Variants in ABTB3 observed in about 807,000 individuals in gnomAD.
ABTB3 encodes ankyrin repeat- and BTB/POZ domain-containing protein 3.
At chr12:107,576,203 T>C in the ABTB3 span, among the ~76,000 whole-genome samples, 1 of 152,220 alleles carries the variant, frequency 6.6e-6, no homozygotes, top group Admixed American at 6.5e-5. Context: ...GATTTCTTGG[T>C]TTGGGGTACT....
chr12:107,573,652 A>T, the ABTB3 span, among the ~76,000 whole-genome samples: 6 of 152,336 alleles, frequency 3.9e-5, no homozygotes, highest in African/African-American at 1.4e-4. Context: ...ATTGGCTTAC[A>T]AGATTGTGGA....
At chr12:107,489,211 G>T in the ABTB3 span, among the ~76,000 whole-genome samples, 1 of 152,114 alleles carries the variant, frequency 6.6e-6, no homozygotes, top group East Asian at 1.9e-4. Flanking sequence ...AGCAATATAT[G>T]TCAAAGGCCA....
At chr12:107,411,009 A>G in the ABTB3 span, among the ~76,000 whole-genome samples, 1 of 152,268 alleles carries the variant, frequency 6.6e-6, no homozygotes, top group Admixed American at 6.5e-5. Flanking sequence ...TAATGTTTAC[A>G]TTAATTGAGG....
chr12:107,570,805 C>T, the ABTB3 span, among the ~76,000 whole-genome samples: 1 of 152,194 alleles, frequency 6.6e-6, no homozygotes, highest in Non-Finnish European at 1.5e-5. Flanking sequence ...TCCTACCAGT[C>T]CCTCTCCTTC....
chr12:107,329,284 C>G, the ABTB3 span, among the ~76,000 whole-genome samples: 1 of 152,146 alleles, frequency 6.6e-6, no homozygotes, highest in Non-Finnish European at 1.5e-5. Context: ...AATTCTGGCT[C>G]TATTGCCTAC....
chr12:107,587,719 G>A, the ABTB3 span, among the ~76,000 whole-genome samples: 1 of 152,120 alleles, frequency 6.6e-6, no homozygotes, highest in African/African-American at 2.4e-5. Flanking sequence ...TACATAGCAG[G>A]GTATACAGTG....
chr12:107,506,484 A>C, the ABTB3 span, among the ~76,000 whole-genome samples: 16,445 of 152,262 alleles, frequency 0.11, 945 homozygotes, highest in African/African-American at 0.14. Flanking sequence ...TTTCTATAGA[A>C]AACTAGGCAA....
the ABTB3 span, among the ~76,000 whole-genome samples, chr12:107,515,309 G>A: frequency 6.6e-6 from 1 of 152,204 alleles, no homozygotes; most frequent in African/African-American, 2.4e-5. Context: ...AAGCAATCCC[G>A]TTGAGAATAT....
At chr12:107,547,811 T>C in the ABTB3 span, among the ~76,000 whole-genome samples, 1 of 152,214 alleles carries the variant, frequency 6.6e-6, no homozygotes, top group Non-Finnish European at 1.5e-5. Flanking sequence ...ACCATCCTCA[T>C]GAGACTGATG....
chr12:107,358,681 G>A, the ABTB3 span, among the ~76,000 whole-genome samples: 5 of 151,988 alleles, frequency 3.3e-5, no homozygotes, highest in East Asian at 3.9e-4. Context: ...CACAACCTCC[G>A]CCTCCCAGGT....
chr12:107,320,028 G>T, the ABTB3 span: 1 of 1,554,336 alleles, frequency 6.4e-7, no homozygotes, highest in African/African-American at 1.4e-5. Flanking sequence ...GAGATCTGGG[G>T]TCTCCTGCAG....
the ABTB3 span, among the ~76,000 whole-genome samples, chr12:107,574,074 C>T: frequency 6.6e-6 from 1 of 152,190 alleles, no homozygotes; most frequent in African/African-American, 2.4e-5. Flanking sequence ...AGAACAAACT[C>T]CCCAAGACTG....
chr12:107,377,755 A>G, the ABTB3 span, among the ~76,000 whole-genome samples: 432 of 152,330 alleles, frequency 2.8e-3, 2 homozygotes, highest in African/African-American at 0.01. Context: ...TGGGATTAAC[A>G]TTGCACACAG....
chr12:107,477,545 T>C, the ABTB3 span, among the ~76,000 whole-genome samples: 4 of 152,192 alleles, frequency 2.6e-5, no homozygotes, highest in Admixed American at 2.0e-4. Flanking sequence ...ATGCTATCGG[T>C]ATGTCATCCC....
the ABTB3 span, among the ~76,000 whole-genome samples, chr12:107,605,786 T>C: frequency 6.6e-6 from 1 of 152,110 alleles, no homozygotes; most frequent in Non-Finnish European, 1.5e-5. Context: ...ATCTCAGAGA[T>C]GGATGCTGGT....
At chr12:107,399,931 T>C in the ABTB3 span, among the ~76,000 whole-genome samples, 4 of 152,178 alleles carry the variant, frequency 2.6e-5, no homozygotes, top group Non-Finnish European at 5.9e-5. Context: ...AGTAAGAACA[T>C]GTGGTGATTG....
chr12:107,508,350 TAAGGTAGACATTGTCCAAAAA>T, the ABTB3 span, among the ~76,000 whole-genome samples: 1 of 151,088 alleles, frequency 6.6e-6, no homozygotes, highest in African/African-American at 2.4e-5. Flanking sequence ...TGATATAGAG[TAAGGTAGACATTGTCCAAAAA>T]GCTGCCCCCT....
chr12:107,460,369 T>A, the ABTB3 span, among the ~76,000 whole-genome samples: 5 of 152,162 alleles, frequency 3.3e-5, no homozygotes, highest in African/African-American at 1.2e-4. Context: ...AAAACTCTAG[T>A]TCTGGCTGGG....
the ABTB3 span, among the ~76,000 whole-genome samples, chr12:107,507,311 T>A: frequency 6.6e-6 from 1 of 151,966 alleles, no homozygotes; most frequent in Non-Finnish European, 1.5e-5. Context: ...AAGTTTGAGA[T>A]GTCTGCCAAG....
Sources: allele counts gnomAD v4.1 joint callset (sites outside exome capture counted in the v4.1 genomes callset), GRCh38; gene constraint gnomAD v4.1.1; transcripts MANE v1.5; gene names NCBI Gene and HGNC (gene_info 2026-07-23, HGNC 2026-07-21).